Variants in PRELID2 observed in about 807,000 individuals in gnomAD.
PRELID2 encodes PRELI domain-containing protein 2.
A neutral mutation model predicts 28.4 loss-of-function variants in PRELID2; 25 were observed. The observed-to-expected ratio is 0.88, with a 90% CI of 0.64 to 1.23. PRELID2 has a LOEUF of 1.23. Ranked by LOEUF, PRELID2 falls within the 50% of genes most tolerant of loss-of-function variation. The pLI, the probability that PRELID2 is intolerant of heterozygous loss-of-function variation, is 0.00. For synonymous variants in PRELID2, 76 were observed against 71.6 expected (o/e 1.06, Z -0.31); for missense variants, 201 against 214.4 (o/e 0.94, Z 0.39).
At chr5:145,280,616 C>A in the PRELID2 span, among the ~76,000 whole-genome samples, 2 of 151,768 alleles carry the variant, frequency 1.3e-5, no homozygotes. Flanking sequence ...CTAACCTGCA[C>A]ATTGTGCACA....
At chr5:145,344,865 A>AT in the PRELID2 span, among the ~76,000 whole-genome samples, 1 of 151,874 alleles carries the variant, frequency 6.6e-6, no homozygotes, top group African/African-American at 2.4e-5. Context: ...TCCTTATTTC[A>AT]TTTTTTCTAT....
At chr5:145,523,646 T>C (rs1195321703) in intron 1 of PRELID2, among the ~76,000 whole-genome samples, 2 of 152,098 alleles carry the variant, frequency 1.3e-5, no homozygotes, top group East Asian at 3.9e-4. Flanking sequence ...AAGCAAGCTC[T>C]ATCAGGGTCC....
At chr5:145,564,049 T>C (rs1032055722) in intron 1 of PRELID2, among the ~76,000 whole-genome samples, 3 of 152,198 alleles carry the variant, frequency 2.0e-5, no homozygotes, top group Non-Finnish European at 4.4e-5. Context: ...AAGCAATTTT[T>C]AGTTAAAAAG....
At chr5:145,260,307 G>A in the PRELID2 span, among the ~76,000 whole-genome samples, 1 of 151,918 alleles carries the variant, frequency 6.6e-6, no homozygotes, top group Non-Finnish European at 1.5e-5. Context: ...CCAGTAAAAA[G>A]GCATCCAAAC....
intron 1 of PRELID2, among the ~76,000 whole-genome samples, chr5:145,537,506 T>C (rs867099994): frequency 2.6e-5 from 4 of 152,054 alleles, no homozygotes; most frequent in South Asian, 2.1e-4. Context: ...TTTTTGATAG[T>C]AGCCATTCCA....
At chr5:145,289,091 C>A in the PRELID2 span, among the ~76,000 whole-genome samples, 2 of 152,032 alleles carry the variant, frequency 1.3e-5, no homozygotes, top group Non-Finnish European at 2.9e-5. Context: ...CAGTTAGATT[C>A]CTTTGTCACA....
the PRELID2 span, among the ~76,000 whole-genome samples, chr5:145,293,716 G>C: frequency 1.3e-5 from 2 of 152,156 alleles, no homozygotes; most frequent in Admixed American, 1.3e-4. Context: ...TAATTAACAT[G>C]TATAGAGAAT....
chr5:145,425,975 T>C, the PRELID2 span, among the ~76,000 whole-genome samples: 1 of 152,066 alleles, frequency 6.6e-6, no homozygotes, highest in Non-Finnish European at 1.5e-5. Context: ...TCATCATCAT[T>C]ATTATTATTT....
chr5:145,414,555 T>C, the PRELID2 span, among the ~76,000 whole-genome samples: 1 of 152,240 alleles, frequency 6.6e-6, no homozygotes, highest in Non-Finnish European at 1.5e-5. Flanking sequence ...TAAAATTGTC[T>C]TCTTATTTCC....
the PRELID2 span, among the ~76,000 whole-genome samples, chr5:145,300,444 C>T: frequency 6.6e-6 from 1 of 151,994 alleles, no homozygotes; most frequent in African/African-American, 2.4e-5. Context: ...AAAATACAAT[C>T]ATTAATTTAT....
At chr5:145,790,345 A>T (rs1438588764) in intron 5 of PRELID2, among the ~76,000 whole-genome samples, 1 of 152,180 alleles carries the variant, frequency 6.6e-6, no homozygotes, top group Non-Finnish European at 1.5e-5. Flanking sequence ...CATTTGTGAC[A>T]ACATGGATAA....
chr5:145,613,639 T>G (rs913939130), intron 1 of PRELID2, among the ~76,000 whole-genome samples: 2 of 152,198 alleles, frequency 1.3e-5, no homozygotes, highest in South Asian at 4.2e-4. Context: ...CTTTTGAGAA[T>G]TGTCTATTCT....
chr5:145,553,870 T>C (rs1329032491), intron 1 of PRELID2, among the ~76,000 whole-genome samples: 4 of 152,072 alleles, frequency 2.6e-5, no homozygotes, highest in Non-Finnish European at 5.9e-5. Context: ...CCTTAGATGA[T>C]AAAGGATGCA....
chr5:145,808,273 T>G (rs1018342937), intron 4 of PRELID2, among the ~76,000 whole-genome samples: 1 of 151,960 alleles, frequency 6.6e-6, no homozygotes, highest in African/African-American at 2.4e-5. Flanking sequence ...TAAAAGCAGG[T>G]ATGGAGGTCA....
At chr5:145,506,902 G>T (rs1006752066) in intron 1 of PRELID2, among the ~76,000 whole-genome samples, 2 of 152,066 alleles carry the variant, frequency 1.3e-5, no homozygotes, top group South Asian at 4.1e-4. Flanking sequence ...ACCCTCAATG[G>T]CTCTCTAATT....
intron 1 of PRELID2, among the ~76,000 whole-genome samples, chr5:145,526,693 C>G (rs566873212): frequency 8.5e-5 from 13 of 152,154 alleles, no homozygotes; most frequent in African/African-American, 3.1e-4. Context: ...AATAACAATA[C>G]CAATGATAAA....
At chr5:145,680,144 G>A (rs1462851860) in intron 1 of PRELID2, among the ~76,000 whole-genome samples, 1 of 152,092 alleles carries the variant, frequency 6.6e-6, no homozygotes, top group African/African-American at 2.4e-5. Flanking sequence ...ATAGAATCGA[G>A]GGCACTACCC....
At chr5:145,252,551 C>A in the PRELID2 span, among the ~76,000 whole-genome samples, 1 of 152,058 alleles carries the variant, frequency 6.6e-6, no homozygotes, top group Non-Finnish European at 1.5e-5. Context: ...ACAAAGGAAG[C>A]ACTAATAAAT....
the PRELID2 span, among the ~76,000 whole-genome samples, chr5:145,420,389 G>C: frequency 1.3e-5 from 2 of 151,550 alleles, no homozygotes; most frequent in Non-Finnish European, 1.5e-5. Context: ...CCATTTGTTT[G>C]TATCCTCTTT....
Sources: gnomAD v4.1 joint callset for allele counts (sites outside exome capture counted in the v4.1 genomes callset) on GRCh38, gnomAD v4.1.1 for gene constraint, MANE v1.5 for transcripts, NCBI Gene and HGNC (gene_info 2026-07-23, HGNC 2026-07-21) for gene names.